The following WWOX variants were observed in gnomAD, a reference collection of about 807,000 sequenced individuals.
The protein encoded by WWOX is WW domain-containing oxidoreductase.
In WWOX, 69 loss-of-function variants were observed where a neutral mutation model predicts 46.2. The observed-to-expected ratio is 1.49, with a 90% CI of 1.23 to 1.82. The LOEUF (loss-of-function observed/expected upper bound fraction) is 1.82. Among genes scored for constraint, WWOX ranks in the 40% most tolerant of loss-of-function variants. The pLI is 0.00. For missense variants in WWOX, 919 were observed against 542.6 expected, an observed-to-expected ratio of 1.69 and a Z score of -6.89; for synonymous variants, 359 against 202.6, an observed-to-expected ratio of 1.77 and a Z score of -6.56.
At position 78,408,979 on chromosome 16, in the gene WWOX, A is replaced by G. The variant is rs555444119; in HGVS notation, c.606-15891A>G. Among the ~76,000 whole-genome samples the G allele has an allele frequency of 3.3e-4, 51 of 152,248 alleles. No individual in the cohort carries two copies. The South Asian group carries it at 0.011, about 32-fold the overall frequency. ...TGTACAGATGAGAGCCAGCTTGGAG[A>G]TGGGCTGTAGCTCAAGCATCTTACC... On this transcript the variant is annotated intron_variant, in intron 6 of 8. Transcript: ENST00000566780.
At chr16:78,808,650 CA>C (rs1597648214) in intron 8 of WWOX, among the ~76,000 whole-genome samples, 1 of 152,182 alleles carries the variant, frequency 6.6e-6, no homozygotes, top group East Asian at 1.9e-4. Context: ...AACATGCCAT[CA>C]TCTTTAATTT....
chr16:79,054,704 A>C lies in WWOX; in HGVS notation c.1057-156904A>C, dbSNP rs368015400. 6.6e-5 allele frequency among the ~76,000 whole-genome samples: 10 copies of C among 152,076 alleles called. 1 individual carries two copies. The highest frequency in any genetic ancestry group is 3.9e-4 in the East Asian group (2 of 5,180). On this transcript the variant is annotated intron_variant, in intron 8 of 8. Transcript: ENST00000566780. ...GCCAGGCGTGGTGTCGTGTGTCTGTAAGTCCTAGCTACTCAGGAAGGTGAG... is the reference window on the plus strand; with the variant it reads ...GCCAGGCGTGGTGTCGTGTGTCTGTCAGTCCTAGCTACTCAGGAAGGTGAG...
At chr16:78,726,542 T>A (rs1199387656) in intron 8 of WWOX, among the ~76,000 whole-genome samples, 1 of 150,446 alleles carries the variant, frequency 6.6e-6, no homozygotes, top group East Asian at 1.9e-4. Flanking sequence ...CCTATCTTAA[T>A]TCAATACACA....
intron 8 of WWOX, among the ~76,000 whole-genome samples, chr16:79,039,375 C>G (rs561331245): frequency 6.6e-5 from 10 of 152,040 alleles, no homozygotes; most frequent in Non-Finnish European, 1.2e-4. Flanking sequence ...GGGACCAGGC[C>G]GAAAACGACC....
At chr16:78,820,252 A>C (rs975931731) in intron 8 of WWOX, among the ~76,000 whole-genome samples, 21 of 152,188 alleles carry the variant, frequency 1.4e-4, no homozygotes, top group African/African-American at 4.8e-4. Context: ...TTTGATGCCA[A>C]AGAGCCAAAT....
intron 8 of WWOX, among the ~76,000 whole-genome samples, chr16:78,480,802 A>G (rs1401357344): frequency 1.3e-5 from 2 of 152,182 alleles, no homozygotes; most frequent in African/African-American, 4.8e-5. Flanking sequence ...TAGCTTTGAA[A>G]TGTATTGTAG....
chr16:78,830,152 C>G (rs1028327973), intron 8 of WWOX, among the ~76,000 whole-genome samples: 6 of 152,102 alleles, frequency 3.9e-5, no homozygotes, highest in African/African-American at 1.2e-4. Flanking sequence ...GCAACAGCAG[C>G]AGCAAGAGCT....
intron 8 of WWOX, among the ~76,000 whole-genome samples, chr16:79,013,634 C>T (rs1321759680): frequency 6.6e-6 from 1 of 152,096 alleles, no homozygotes; most frequent in Non-Finnish European, 1.5e-5. Context: ...CTGCCTGGGT[C>T]CCGGGTCTCC....
intron 8 of WWOX, among the ~76,000 whole-genome samples, chr16:78,790,740 C>T (rs1012587504): frequency 6.6e-6 from 1 of 152,116 alleles, no homozygotes; most frequent in South Asian, 2.1e-4. Flanking sequence ...TCACTGTTGG[C>T]TGGGCACAGT....
At chr16:78,137,264 T>G (rs2033827951) in intron 4 of WWOX, among the ~76,000 whole-genome samples, 1 of 152,170 alleles carries the variant, frequency 6.6e-6, no homozygotes, top group Non-Finnish European at 1.5e-5. Context: ...CCTAGTTTTC[T>G]TTTGGATTGT....
chr16:78,601,917 T>A (rs943159546), intron 8 of WWOX, among the ~76,000 whole-genome samples: 3 of 152,200 alleles, frequency 2.0e-5, no homozygotes, highest in Admixed American at 6.5e-5. Context: ...TCCAATTGTT[T>A]TATTAGCGAA....
chr16:78,197,220 A>G (rs2036082048), intron 5 of WWOX, among the ~76,000 whole-genome samples: 1 of 152,194 alleles, frequency 6.6e-6, no homozygotes, highest in South Asian at 2.1e-4. Context: ...TCAGCTGTCA[A>G]GTGGCATTGC....
intron 5 of WWOX, among the ~76,000 whole-genome samples, chr16:78,202,176 C>T (rs902210260): frequency 6.6e-6 from 1 of 152,200 alleles, no homozygotes; most frequent in South Asian, 2.1e-4. Flanking sequence ...TAGTTGATTC[C>T]AGACCAGTAA....
intron 8 of WWOX, among the ~76,000 whole-genome samples, chr16:78,709,652 A>G (rs939213292): frequency 3.3e-5 from 5 of 152,082 alleles, no homozygotes; most frequent in African/African-American, 1.2e-4. Context: ...AATGAAAACC[A>G]ACTGCCCTGT....
At chr16:78,870,262 A>T (rs531455755) in intron 8 of WWOX, among the ~76,000 whole-genome samples, 6 of 152,186 alleles carry the variant, frequency 3.9e-5, no homozygotes, top group African/African-American at 1.4e-4. Flanking sequence ...CTTGATGACA[A>T]TGACCCAGTT....
chr16:78,940,760 G>A (rs1022256990), intron 8 of WWOX, among the ~76,000 whole-genome samples: 3 of 147,458 alleles, frequency 2.0e-5, no homozygotes, highest in East Asian at 2.0e-4. Context: ...TATTCATGAC[G>A]TCAAGTCCCT....
intron 8 of WWOX, among the ~76,000 whole-genome samples, chr16:78,553,479 A>C (rs935118224): frequency 2.0e-5 from 3 of 151,982 alleles, no homozygotes; most frequent in Non-Finnish European, 4.4e-5. Flanking sequence ...CAATAAAGCC[A>C]GTGGTGAGGG....
chr16:78,168,265 T>C (rs2035041323), intron 5 of WWOX: 1 of 152,254 alleles, frequency 6.6e-6, no homozygotes, highest in Non-Finnish European at 1.5e-5. Flanking sequence ...TCACTGCACA[T>C]TCCGGGATCG....
intron 8 of WWOX, among the ~76,000 whole-genome samples, chr16:78,587,067 C>G (rs1280276426): frequency 6.6e-6 from 1 of 152,080 alleles, no homozygotes; most frequent in Non-Finnish European, 1.5e-5. Context: ...ACCCTGTTGC[C>G]CAGGCTGGAG....
Sources: allele counts gnomAD v4.1 joint callset (sites outside exome capture counted in the v4.1 genomes callset), GRCh38; gene constraint gnomAD v4.1.1; transcripts MANE v1.5; gene names NCBI Gene and HGNC (gene_info 2026-07-23, HGNC 2026-07-21).